The following SLC37A3 variants were observed in gnomAD, a reference collection of about 807,000 sequenced individuals.
The protein encoded by SLC37A3 is sugar phosphate exchanger 3.
A neutral mutation model predicts 67.1 loss-of-function variants in SLC37A3; 51 were observed. That is an observed-to-expected ratio of 0.76 (90% CI 0.61 to 0.96). The LOEUF is 0.96. Ranked by LOEUF, SLC37A3 falls within the 40% of genes least tolerant of loss-of-function variation. The probability of loss-of-function intolerance (pLI) is 0.00; values close to 1 mark genes in which losing one functional copy is unlikely to be tolerated. For missense variants in SLC37A3, 508 were observed against 603.0 expected (o/e 0.84, Z 1.65); for synonymous variants, 214 against 231.4 (o/e 0.92, Z 0.68).
chr7:140,349,186 G>A (rs1796696010), intron 9 of SLC37A3, among the ~76,000 whole-genome samples: 2 of 152,138 alleles, frequency 1.3e-5, no homozygotes, highest in Admixed American at 6.6e-5. Context: ...GAAGCATCAC[G>A]GCCTTTACTG....
chr7:140,392,401 A>G (rs929910587), intron 1 of SLC37A3, among the ~76,000 whole-genome samples: 5 of 152,034 alleles, frequency 3.3e-5, no homozygotes, highest in African/African-American at 1.2e-4. Context: ...CCTCCAAAAT[A>G]TATCCCAAAT....
At chr7:140,392,874 CTGAGGTCAGGAGTT>C (rs1356285911) in intron 1 of SLC37A3, among the ~76,000 whole-genome samples, 1 of 152,102 alleles carries the variant, frequency 6.6e-6, no homozygotes, top group Admixed American at 6.5e-5. Flanking sequence ...GGCGGATCAC[CTGAGGTCAGGAGTT>C]TGAGACCAGC....
intron 7 of SLC37A3, among the ~76,000 whole-genome samples, chr7:140,353,120 A>G (rs1201357755): frequency 6.6e-6 from 1 of 152,158 alleles, no homozygotes; most frequent in African/African-American, 2.4e-5. Context: ...AAAAGAGCGA[A>G]CTTACCTTTA....
At chr7:140,352,040 A>C in intron 8 of SLC37A3, 22 bp downstream of exon 8, 2 of 1,599,592 alleles carry the variant, frequency 1.3e-6, no homozygotes, top group Non-Finnish European at 1.7e-6. Flanking sequence ...CATTCGGAAT[A>C]GAAGGGGCGG....
intron 13 of SLC37A3, among the ~76,000 whole-genome samples, chr7:140,339,119 T>C (rs1024632111): frequency 2.6e-5 from 4 of 152,186 alleles, no homozygotes; most frequent in African/African-American, 7.2e-5. Flanking sequence ...TTCTTTTTAA[T>C]GGCTCATTAG....
At chr7:140,365,840 C>T (rs1261313558) in intron 4 of SLC37A3, among the ~76,000 whole-genome samples, 1 of 151,000 alleles carries the variant, frequency 6.6e-6, no homozygotes, top group Non-Finnish European at 1.5e-5. Context: ...CTAGCTGCCC[C>T]TCATATGGAC....
At chr7:140,363,640 CT>C (rs1225106644) in intron 5 of SLC37A3, among the ~76,000 whole-genome samples, 5 of 131,002 alleles carry the variant, frequency 3.8e-5, no homozygotes, top group African/African-American at 1.4e-4. Flanking sequence ...CACTATTGTC[CT>C]ATGACCCTGC....
At chr7:140,339,057 C>T (rs974905054) in intron 13 of SLC37A3, among the ~76,000 whole-genome samples, 6 of 152,058 alleles carry the variant, frequency 3.9e-5, no homozygotes, top group African/African-American at 1.4e-4. Flanking sequence ...TTCTCTGTTG[C>T]CCAGACTGTA....
At chr7:140,338,145 C>T (rs1181773503) in intron 13 of SLC37A3, among the ~76,000 whole-genome samples, 1 of 152,162 alleles carries the variant, frequency 6.6e-6, no homozygotes, top group African/African-American at 2.4e-5. Flanking sequence ...CCACCTCGGC[C>T]TCCCAAAGTG....
chr7:140,374,233 C>T (rs1042859332), intron 3 of SLC37A3, among the ~76,000 whole-genome samples: 1 of 152,124 alleles, frequency 6.6e-6, no homozygotes, highest in Admixed American at 6.6e-5. Context: ...CGGTGGCTCA[C>T]GCCTACAATC....
rs151108057 is a variant in SLC37A3, at chr7:140,348,687, G to A, written c.963C>T (p.Phe321=). 26 of 1,613,970 alleles carry A rather than the reference G, an allele frequency of 1.6e-5. No homozygotes were observed. Among genetic ancestry groups the A allele is most frequent in the African/African-American group, 9.3e-5 (7 of 74,908 alleles). ...TGTCGGCTTCCGCCTCCTTCCAGCC[G>A]AAGTTGTTACTCAGATAAAAGGGGA... The part of the protein sequence containing the change: ...FWLPFYLSNN[F]GWKEAEADKL... The change falls in exon 10 of 15, where the codon TTC becomes TTT. Residue 321 remains phenylalanine (F), a synonymous_variant. Coordinates refer to ENST00000326232, the MANE Select transcript of SLC37A3 (RefSeq NM_207113.3).
At chr7:140,388,010 T>A (rs73474981) in intron 1 of SLC37A3, among the ~76,000 whole-genome samples, 4,394 of 140,500 alleles carry the variant, frequency 0.031, 246 homozygotes, top group African/African-American at 0.11. Flanking sequence ...GCAAAACCTA[T>A]AGTCACCATA....
At chr7:140,397,534 T>G (rs1174851423) in intron 1 of SLC37A3, among the ~76,000 whole-genome samples, 1 of 152,076 alleles carries the variant, frequency 6.6e-6, no homozygotes, top group Non-Finnish European at 1.5e-5. Context: ...ATGAGATAAT[T>G]TATATGGAGT....
At chr7:140,374,019 T>C (rs1797925112) in intron 3 of SLC37A3, among the ~76,000 whole-genome samples, 1 of 152,214 alleles carries the variant, frequency 6.6e-6, no homozygotes, top group Non-Finnish European at 1.5e-5. Context: ...AAAACTCCAA[T>C]GTATTTTTTA....
intron 3 of SLC37A3, among the ~76,000 whole-genome samples, chr7:140,374,072 A>T (rs1267629374): frequency 6.6e-6 from 1 of 152,172 alleles, no homozygotes; most frequent in Non-Finnish European, 1.5e-5. Flanking sequence ...ATAGATATAA[A>T]CCCATATAAC....
At chr7:140,395,877 T>C (rs1798905771) in intron 1 of SLC37A3, among the ~76,000 whole-genome samples, 3 of 152,182 alleles carry the variant, frequency 2.0e-5, no homozygotes, top group Admixed American at 1.3e-4. Context: ...AGTTTTTATG[T>C]CTGCACAGTA....
At chr7:140,392,605 C>A (rs981115281) in intron 1 of SLC37A3, among the ~76,000 whole-genome samples, 4 of 152,122 alleles carry the variant, frequency 2.6e-5, no homozygotes, top group African/African-American at 9.7e-5. Flanking sequence ...AAGACAGATT[C>A]TTTGCCACAG....
chr7:140,349,725 A>C (rs1043736752), intron 9 of SLC37A3, among the ~76,000 whole-genome samples: 3 of 152,208 alleles, frequency 2.0e-5, no homozygotes, highest in African/African-American at 7.2e-5. Flanking sequence ...CTACAAAGAC[A>C]AAGGAATTAA....
chr7:140,337,149 G>T, intron 14 of SLC37A3, 135 bp downstream of exon 14: 3 of 412,794 alleles, frequency 7.3e-6, no homozygotes, highest in Non-Finnish European at 1.3e-5. Context: ...ATGTCTTTTA[G>T]ACTAATAAAA....
Sources: gnomAD v4.1 joint callset for allele counts (sites outside exome capture counted in the v4.1 genomes callset) on GRCh38, gnomAD v4.1.1 for gene constraint, MANE v1.5 for transcripts, NCBI Gene and HGNC (gene_info 2026-07-23, HGNC 2026-07-21) for gene names.